PCDHGA12: variants seen among roughly 807,000 people sequenced by gnomAD.
PCDHGA12 encodes protocadherin gamma-A12.
Under a neutral mutation model 61.1 loss-of-function variants are expected in PCDHGA12, and 43 were observed. The observed-to-expected ratio is 0.70, with a 90% CI of 0.55 to 0.91. The LOEUF (loss-of-function observed/expected upper bound fraction) is 0.91, where lower values mean the gene tolerates loss of function less well. Among genes scored for constraint, PCDHGA12 ranks in the 40% least tolerant of loss-of-function variants. PCDHGA12 has a pLI of 0.00. For missense variants in PCDHGA12, 1,236 were observed against 1,227.7 expected, an observed-to-expected ratio of 1.01 and a Z score of -0.10; for synonymous variants, 520 against 542.9, an observed-to-expected ratio of 0.96 and a Z score of 0.59.
At chr5:141,484,499 A>G (rs567556335) in intron 1 of PCDHGA12, among the ~76,000 whole-genome samples, 20 of 152,344 alleles carry the variant, frequency 1.3e-4, no homozygotes, top group African/African-American at 4.6e-4. Flanking sequence ...CCGTTTCTGA[A>G]TATTCTGCAG....
At position 141,490,788 on chromosome 5, in the gene PCDHGA12, C is replaced by G. The variant is rs2099704332; in HGVS notation, c.2425-4019C>G. ...ATGTCAACCCAGAGGATGGACGGAT[C>G]TTTGCCCAGCGTACCTTTGACTATG... On this transcript the variant is annotated intron_variant, in intron 1 of 3. Coordinates refer to ENST00000252085, the MANE Select transcript of PCDHGA12 (RefSeq NM_003735.3). The surrounding 1 kb of genome is among the most constrained non-coding windows in gnomAD (Gnocchi z 5.4). 6.2e-7 allele frequency: 1 copy of G among 1,613,918 alleles called. No homozygotes were observed. The highest frequency in any genetic ancestry group is 1.1e-5 in the South Asian group (1 of 91,084).
chr5:141,463,438 CTTTTTTT>C (rs71576115), intron 1 of PCDHGA12, among the ~76,000 whole-genome samples: 1 of 103,252 alleles, frequency 9.7e-6, no homozygotes, highest in Non-Finnish European at 1.9e-5. Flanking sequence ...TTTCCTTCTC[CTTTTTTT>C]TTTTTTTTTT....
chr5:141,473,362 C>G (rs2099320242), intron 1 of PCDHGA12, among the ~76,000 whole-genome samples: 1 of 152,166 alleles, frequency 6.6e-6, no homozygotes, highest in South Asian at 2.1e-4. Flanking sequence ...AAGTGGCCAC[C>G]AAAATAGCAT....
intron 3 of PCDHGA12, among the ~76,000 whole-genome samples, chr5:141,509,338 C>T (rs2099876319): frequency 6.6e-6 from 1 of 152,188 alleles, no homozygotes; most frequent in Admixed American, 6.5e-5. Flanking sequence ...CCAGCTGGGC[C>T]TGGGCTGGCC....
At chr5:141,453,014 G>A (rs2098753820) in intron 1 of PCDHGA12, among the ~76,000 whole-genome samples, 1 of 152,206 alleles carries the variant, frequency 6.6e-6, no homozygotes, top group Non-Finnish European at 1.5e-5. Flanking sequence ...GTATAGTTAT[G>A]TGATTCATTA....
At position 141,461,820 on chromosome 5, in the gene PCDHGA12, AT is replaced by A. The variant is rs1458631685; in HGVS notation, c.2424+28646del. Among the ~76,000 whole-genome samples the A allele has an allele frequency of 8.1e-5, 12 of 147,918 alleles. 1 individual carries two copies. In the South Asian group the frequency reaches 1.3e-3, roughly 16 times the overall value. On this transcript the variant is annotated intron_variant, in intron 1 of 3. Transcript: ENST00000252085. ...AGGTGCCCACCACCACACCCAGCTAATTTTTTTTTCTTTTTTTTTTGAGACA... is the reference window on the plus strand; with the variant it reads ...AGGTGCCCACCACCACACCCAGCTAATTTTTTTTCTTTTTTTTTTGAGACA...
rs996556361 is a variant in PCDHGA12, at chr5:141,511,290, A to G, written c.*117A>G. 1.3e-6 allele frequency: 2 copies of G among 1,516,984 alleles called. No homozygotes were observed. The highest frequency in any genetic ancestry group is 1.8e-6 in the Non-Finnish European group (2 of 1,129,124). The allele number at this position is 1,516,984 out of a possible 1,614,324, so 94.0% of individuals were successfully genotyped here. ...AACCCCCAGAATACTGGTAGGGGCC[A>G]AGGCCATGCTCCCCTTGGGAAACAG... is the stretch of plus-strand genomic sequence containing the variant. On this transcript the variant is annotated 3_prime_UTR_variant, in exon 4 of 4. Coordinates refer to ENST00000252085, the MANE Select transcript of PCDHGA12 (RefSeq NM_003735.3).
chr5:141,493,641 G>A lies in PCDHGA12; in HGVS notation c.2425-1166G>A, dbSNP rs547664603. Among the ~76,000 whole-genome samples, 2 of 152,240 alleles carry A rather than the reference G, an allele frequency of 1.3e-5. No individual in the cohort carries two copies. The highest frequency in any genetic ancestry group is 3.9e-4 in the East Asian group (2 of 5,172). On this transcript the variant is annotated intron_variant, in intron 1 of 3. Coordinates refer to ENST00000252085, the MANE Select transcript of PCDHGA12 (RefSeq NM_003735.3). The surrounding 1 kb of genome is among the most constrained non-coding windows in gnomAD (Gnocchi z 4.3). The stretch of plus-strand genomic sequence containing the variant: ...CTAAGAATACAGTGGCTGAGGGCTG[G>A]CCATCCCTGTGCCCTTCTCCATGGC...
Position 141,491,858 on chromosome 5 carries a change from A to G in PCDHGA12, c.2425-2949A>G, listed in dbSNP as rs17208425. 297,575 of 1,456,446 alleles carry G rather than the reference A, an allele frequency of 0.2. 31,644 individuals are homozygous for G. The highest frequency in any genetic ancestry group is 0.33 in the Admixed American group (11,758 of 35,494). 90.2% of individuals were successfully genotyped at this position (1,456,446 alleles called of 1,614,324 possible). On this transcript the variant is annotated intron_variant, in intron 1 of 3. Transcript: ENST00000252085. This position sits in a 1 kb window ranked among gnomAD's most constrained non-coding sequence, Gnocchi z 6.9. ...TCGGGATCATTGGACCGTTTGCGCG[A>G]AACCAGAGTGGCCGATTAAGGGATG... is the stretch of plus-strand genomic sequence containing the variant.
At chr5:141,465,338 G>C (rs908157154) in intron 1 of PCDHGA12, among the ~76,000 whole-genome samples, 6 of 151,962 alleles carry the variant, frequency 3.9e-5, no homozygotes, top group Admixed American at 2.6e-4. Context: ...TTTTATATTG[G>C]TTACTGAAGA....
At chr5:141,464,131 G>C (rs982496493) in intron 1 of PCDHGA12, among the ~76,000 whole-genome samples, 19 of 152,056 alleles carry the variant, frequency 1.2e-4, no homozygotes, top group Admixed American at 2.0e-4. Flanking sequence ...TGGGTGTGGT[G>C]GTGGGCGCCT....
chr5:141,454,489 C>T (rs1450435753), intron 1 of PCDHGA12, among the ~76,000 whole-genome samples: 1 of 152,222 alleles, frequency 6.6e-6, no homozygotes, highest in African/African-American at 2.4e-5. Flanking sequence ...TCACCGCAAC[C>T]TCCACCTCCT....
chr5:141,444,240 C>A (rs1017550385), intron 1 of PCDHGA12, among the ~76,000 whole-genome samples: 1 of 128,688 alleles, frequency 7.8e-6, no homozygotes, highest in Admixed American at 9.7e-5. Flanking sequence ...GGCATGCTCT[C>A]GGCTCACTGC....
At chr5:141,507,557 C>T (rs959957585) in intron 3 of PCDHGA12, among the ~76,000 whole-genome samples, 5 of 152,250 alleles carry the variant, frequency 3.3e-5, no homozygotes, top group Middle Eastern at 3.4e-3. Flanking sequence ...AAGTGGCAGG[C>T]GGCTGGGTCT....
chr5:141,430,725 G>A lies in PCDHGA12; in HGVS notation c.-35G>A, dbSNP rs1436128094. On this transcript the variant is annotated 5_prime_UTR_variant, in exon 1 of 4. Coordinates refer to ENST00000252085, the MANE Select transcript of PCDHGA12 (RefSeq NM_003735.3). ...ACTGCTCCTGACTTCAGTGGTTAAG[G>A]GCAGAATTGAAAATAATTCTGGAGG... 2.7e-6 allele frequency: 4 copies of A among 1,497,276 alleles called. No individual in the cohort carries two copies. The highest frequency in any genetic ancestry group is 2.4e-5 in the Admixed American group (1 of 41,298). 92.7% of individuals were successfully genotyped at this position (1,497,276 alleles called of 1,614,324 possible).
chr5:141,509,067 C>T (rs987332283), intron 3 of PCDHGA12, among the ~76,000 whole-genome samples: 1 of 152,132 alleles, frequency 6.6e-6, no homozygotes, highest in African/African-American at 2.4e-5. Flanking sequence ...CTCTCAGCTC[C>T]GGGGATTTGC....
chr5:141,493,179 T>C lies in PCDHGA12; in HGVS notation c.2425-1628T>C, dbSNP rs1208502829. 6.6e-6 allele frequency among the ~76,000 whole-genome samples: 1 copy of C among 152,230 alleles called. No homozygotes were observed. Among genetic ancestry groups the C allele is most frequent in the Non-Finnish European group, 1.5e-5 (1 of 68,040 alleles). On this transcript the variant is annotated intron_variant, in intron 1 of 3. Coordinates refer to ENST00000252085, the MANE Select transcript of PCDHGA12 (RefSeq NM_003735.3). This position sits in a 1 kb window ranked among gnomAD's most constrained non-coding sequence, Gnocchi z 4.3. ...TGATAGCTGATTGAGAGAAACTTAC[T>C]ATATAACTCCTTTGAGAACCTCATC...
intron 1 of PCDHGA12, among the ~76,000 whole-genome samples, chr5:141,439,371 TA>T (rs1008614540): frequency 7.2e-5 from 11 of 152,034 alleles, no homozygotes; most frequent in Non-Finnish European, 1.0e-4. Flanking sequence ...CAAGAAGAAA[TA>T]AAAATAAGTC....
chr5:141,449,630 T>G (rs1006977026), intron 1 of PCDHGA12, among the ~76,000 whole-genome samples: 2 of 150,024 alleles, frequency 1.3e-5, no homozygotes, highest in Non-Finnish European at 3.0e-5. Flanking sequence ...TTTAAAAAGA[T>G]GTATCTATAT....
Sources: allele counts gnomAD v4.1 joint callset (sites outside exome capture counted in the v4.1 genomes callset), GRCh38; gene constraint gnomAD v4.1.1; non-coding constraint Gnocchi (gnomAD v3.1); transcripts MANE v1.5; gene names NCBI Gene and HGNC (gene_info 2026-07-23, HGNC 2026-07-21).